CHMP3: variants seen among roughly 807,000 people sequenced by gnomAD.
The protein encoded by CHMP3 is 25.1 protein.
A neutral mutation model predicts 27.4 loss-of-function variants in CHMP3; 8 were observed. The ratio of observed to expected loss-of-function variants is 0.29; its 90% confidence interval spans 0.17 to 0.53. The LOEUF (loss-of-function observed/expected upper bound fraction) is 0.53. Ranked by LOEUF, CHMP3 falls within the 20% of genes least tolerant of loss-of-function variation. The pLI is 0.96. For missense variants in CHMP3, 208 were observed against 271.5 expected (o/e 0.77, Z 1.64); for synonymous variants, 86 against 85.5 (o/e 1.01, Z -0.03).
chr2:86,531,747 C>G (rs1675930454), intron 2 of CHMP3, among the ~76,000 whole-genome samples: 1 of 152,192 alleles, frequency 6.6e-6, no homozygotes, highest in South Asian at 2.1e-4. Flanking sequence ...AATGGTCTTG[C>G]TACCCTTGTC....
At chr2:86,562,511 T>C (rs1297262114) in intron 1 of CHMP3, among the ~76,000 whole-genome samples, 1 of 152,104 alleles carries the variant, frequency 6.6e-6, no homozygotes, top group African/African-American at 2.4e-5. Context: ...ATATGAAAAC[T>C]TTACATCCCT....
At position 86,529,204 on chromosome 2, in the gene CHMP3, A is replaced by G. The variant is rs1675821789; in HGVS notation, c.286+14T>C. 2 of 1,584,690 alleles carry G rather than the reference A, an allele frequency of 1.3e-6. No individual in the cohort carries two copies. Among genetic ancestry groups the G allele is most frequent in the Non-Finnish European group, 1.7e-6 (2 of 1,167,718 alleles). Reference sequence around the variant, plus strand: ...CGGCATTATGAGGTGACTGTAAGGTAAGTGCAGCCTTACCGAGCTGGTTCT... The same window carrying G: ...CGGCATTATGAGGTGACTGTAAGGTGAGTGCAGCCTTACCGAGCTGGTTCT... On this transcript the variant is annotated intron_variant, in intron 3 of 5. Coordinates refer to ENST00000263856, the MANE Select transcript of CHMP3 (RefSeq NM_016079.4).
At chr2:86,545,805 TG>T (rs1260262475) in intron 1 of CHMP3, among the ~76,000 whole-genome samples, 1 of 123,328 alleles carries the variant, frequency 8.1e-6, no homozygotes, top group Non-Finnish European at 1.7e-5. Context: ...ACCTCCCAGA[TG>T]GGGTGGCCAG....
chr2:86,554,816 C>CGTGTGT (rs70956121), intron 1 of CHMP3, among the ~76,000 whole-genome samples: 4,658 of 145,360 alleles, frequency 0.032, 283 homozygotes, highest in African/African-American at 0.11. Context: ...TGTGTGCGCG[C>CGTGTGT]GTGTGTGTGT....
rs190867289 is a variant in CHMP3 at position 86,505,840 on chromosome 2, C to T, written c.633G>A (p.Glu211=). The T allele has an allele frequency of 2.7e-5, 44 of 1,601,394 alleles. No individual in the cohort carries two copies. Among genetic ancestry groups the T allele is most frequent in the African/African-American group, 6.7e-5 (5 of 74,508 alleles). ...GTGTGGCCAGCCGGGACTGCATGGC[C>T]TCCAGAGCCTCTTCCTCCTCCTCCT... ...EDEEEEEEAL[E]AMQSRLATLR... Residue 211 remains glutamate, a synonymous_variant, in exon 6 of 6, where the codon GAG becomes GAA. Coordinates refer to ENST00000263856, the MANE Select transcript of CHMP3 (RefSeq NM_016079.4).
At chr2:86,553,504 G>T (rs571627735) in intron 1 of CHMP3, among the ~76,000 whole-genome samples, 6 of 152,192 alleles carry the variant, frequency 3.9e-5, no homozygotes, top group Non-Finnish European at 1.5e-5. Context: ...GCTAATTTTT[G>T]TATTTTTAGT....
chr2:86,537,062 G>C (rs531009331), intron 2 of CHMP3, among the ~76,000 whole-genome samples: 1 of 151,868 alleles, frequency 6.6e-6, no homozygotes, highest in Non-Finnish European at 1.5e-5. Context: ...ATGAGGTTTT[G>C]CCGTGTTGCC....
At chr2:86,536,723 T>C (rs576986702) in intron 2 of CHMP3, among the ~76,000 whole-genome samples, 7 of 152,328 alleles carry the variant, frequency 4.6e-5, no homozygotes, top group South Asian at 2.1e-4. Context: ...ACTGAACTTC[T>C]TGGATGTTTA....
intron 2 of CHMP3, among the ~76,000 whole-genome samples, chr2:86,531,797 C>T (rs1436470248): frequency 6.6e-6 from 1 of 152,170 alleles, no homozygotes; most frequent in East Asian, 1.9e-4. Context: ...TTTCTGGATA[C>T]CTATTTCTAT....
Position 86,504,723 on chromosome 2 carries a change from CT to C in CHMP3, c.*1080del, listed in dbSNP as rs1411279122. Reference sequence around the variant, plus strand: ...TTTGCTACAATATACAAAAAACAATCTGTGAGACAGTGGCTGGGCTTTTTTC... The same window carrying C: ...TTTGCTACAATATACAAAAAACAATCGTGAGACAGTGGCTGGGCTTTTTTC... On this transcript the variant is annotated 3_prime_UTR_variant, in exon 6 of 6. Transcript: ENST00000263856. 1 of 152,118 alleles carries C rather than the reference CT, an allele frequency of 6.6e-6. No homozygotes were observed. The highest frequency in any genetic ancestry group is 2.4e-5 in the African/African-American group (1 of 41,418). The allele number at this position is 152,118 out of a possible 1,614,324, so 9.4% of individuals were successfully genotyped here.
At chr2:86,548,413 G>C (rs935400299) in intron 1 of CHMP3, among the ~76,000 whole-genome samples, 4 of 152,104 alleles carry the variant, frequency 2.6e-5, no homozygotes, top group African/African-American at 9.7e-5. Flanking sequence ...CTGCCTTCAA[G>C]CATCTGTTTA....
At chr2:86,548,982 C>T (rs1423839529) in intron 1 of CHMP3, among the ~76,000 whole-genome samples, 6 of 149,924 alleles carry the variant, frequency 4.0e-5, no homozygotes, top group African/African-American at 1.5e-4. Flanking sequence ...CAGAGGCGCT[C>T]CTAGCCTCCC....
intron 1 of CHMP3, among the ~76,000 whole-genome samples, chr2:86,554,814 C>CGTGTGT (rs769149856): frequency 0.021 from 2,924 of 137,936 alleles, 55 homozygotes; most frequent in East Asian, 0.059. Context: ...TGTGTGTGCG[C>CGTGTGT]GCGTGTGTGT....
intron 1 of CHMP3, among the ~76,000 whole-genome samples, chr2:86,550,888 G>A (rs1252083158): frequency 1.3e-5 from 2 of 152,200 alleles, no homozygotes; most frequent in Non-Finnish European, 2.9e-5. Context: ...ACAGGAGGAT[G>A]TACATACGTT....
rs758832518 is a variant in CHMP3, at chr2:86,505,730, G to A, written c.*74C>T. ...CCAAAATGGTAGTCCTCACAACAGAGGTGTAGTGCAAGAGACACATAAAAT... is the reference window on the plus strand; with the variant it reads ...CCAAAATGGTAGTCCTCACAACAGAAGTGTAGTGCAAGAGACACATAAAAT... On this transcript the variant is annotated 3_prime_UTR_variant, in exon 6 of 6. Coordinates refer to ENST00000263856, the MANE Select transcript of CHMP3 (RefSeq NM_016079.4). 20 of 1,394,514 alleles carry A rather than the reference G, an allele frequency of 1.4e-5. No homozygotes were observed. Among genetic ancestry groups the A allele is most frequent in the Non-Finnish European group, 1.2e-5 (13 of 1,065,596 alleles). The allele number at this position is 1,394,514 out of a possible 1,614,324, so 86.4% of individuals were successfully genotyped here.
At chr2:86,531,807 T>C (rs1558652050) in intron 2 of CHMP3, among the ~76,000 whole-genome samples, 1 of 152,270 alleles carries the variant, frequency 6.6e-6, no homozygotes, top group Non-Finnish European at 1.5e-5. Context: ...CCTATTTCTA[T>C]TCCATTCGTT....
chr2:86,531,663 C>G (rs1675926814), intron 2 of CHMP3, among the ~76,000 whole-genome samples: 1 of 152,128 alleles, frequency 6.6e-6, no homozygotes, highest in Non-Finnish European at 1.5e-5. Context: ...GGTAAAGGTC[C>G]AACTGAATTC....
chr2:86,524,651 T>A (rs1675632749), intron 3 of CHMP3, among the ~76,000 whole-genome samples: 1 of 152,196 alleles, frequency 6.6e-6, no homozygotes, highest in African/African-American at 2.4e-5. Flanking sequence ...AATTTTGGTA[T>A]CTGTGGGGAT....
intron 1 of CHMP3, among the ~76,000 whole-genome samples, chr2:86,554,886 C>T (rs1383915177): frequency 4.1e-5 from 6 of 147,760 alleles, no homozygotes; most frequent in South Asian, 4.3e-4. Flanking sequence ...CCCGCTCTGT[C>T]GCCCAGGCTA....
Sources: allele counts gnomAD v4.1 joint callset (sites outside exome capture counted in the v4.1 genomes callset), GRCh38; gene constraint gnomAD v4.1.1; transcripts MANE v1.5; gene names NCBI Gene and HGNC (gene_info 2026-07-23, HGNC 2026-07-21).